Variants in PLCB1 observed in about 807,000 individuals in gnomAD.
PLCB1 encodes the protein 1-phosphatidylinositol 4,5-bisphosphate phosphodiesterase beta-1.
In PLCB1, 46 loss-of-function variants were observed where a neutral mutation model predicts 161.8. The ratio of observed to expected loss-of-function variants is 0.28; its 90% CI spans 0.22 to 0.36. The LOEUF is 0.36. PLCB1 is among the 10% of genes least tolerant of loss of function. The pLI is 1.00. For synonymous variants in PLCB1, 517 were observed against 503.7 expected (o/e 1.03, Z -0.35); for missense variants, 1,016 against 1,472.5 (o/e 0.69, Z 5.07).
At chr20:8,473,834 G>C (rs903797706) in intron 3 of PLCB1, among the ~76,000 whole-genome samples, 1 of 152,202 alleles carries the variant, frequency 6.6e-6, no homozygotes, top group Admixed American at 6.5e-5. Flanking sequence ...ACCAGCAGCA[G>C]TACAAAAACC....
At chr20:8,684,890 A>T in intron 9 of PLCB1, 42 bp from the exon 10 acceptor site, 3 of 1,549,458 alleles carry the variant, frequency 1.9e-6, no homozygotes, top group Non-Finnish European at 2.6e-6. Flanking sequence ...TGACACCCAT[A>T]AAAGAATGCA....
chr20:8,839,005 C>T (rs1986397146), intron 31 of PLCB1, among the ~76,000 whole-genome samples: 1 of 152,216 alleles, frequency 6.6e-6, no homozygotes, highest in African/African-American at 2.4e-5. Context: ...TATCAACTCT[C>T]CAGCCCTATG....
intron 9 of PLCB1, among the ~76,000 whole-genome samples, chr20:8,663,968 A>T (rs1240532473): frequency 6.6e-6 from 1 of 152,154 alleles, no homozygotes; most frequent in African/African-American, 2.4e-5. Context: ...GAAAAATAGA[A>T]TAGCTCTATA....
intron 3 of PLCB1, among the ~76,000 whole-genome samples, chr20:8,416,753 C>G (rs778606435): frequency 2.0e-5 from 3 of 151,962 alleles, no homozygotes; most frequent in Non-Finnish European, 4.4e-5. Context: ...TTTAGAGACT[C>G]TTTCAGGAAA....
At chr20:8,664,917 T>C (rs1215141592) in intron 9 of PLCB1, among the ~76,000 whole-genome samples, 1 of 152,154 alleles carries the variant, frequency 6.6e-6, no homozygotes, top group Non-Finnish European at 1.5e-5. Flanking sequence ...ATGGCTTCGG[T>C]CACTCAAGGC....
At chr20:8,552,923 G>A (rs1204651803) in intron 3 of PLCB1, among the ~76,000 whole-genome samples, 1 of 152,060 alleles carries the variant, frequency 6.6e-6, no homozygotes, top group African/African-American at 2.4e-5. Context: ...ATCACCTCAG[G>A]GAGTTATTGA....
chr20:8,262,274 A>T (rs1981737989), intron 2 of PLCB1, among the ~76,000 whole-genome samples: 1 of 151,790 alleles, frequency 6.6e-6, no homozygotes, highest in Non-Finnish European at 1.5e-5. Flanking sequence ...TATTTTCAGT[A>T]GAGACGGGGT....
chr20:8,788,640 A>G lies in PLCB1; in HGVS notation c.3196A>G (p.Lys1066Glu), dbSNP rs1389039697. The G allele has an allele frequency of 6.2e-7, 1 of 1,607,308 alleles. No homozygotes were observed. The highest frequency in any genetic ancestry group is 1.1e-5 in the South Asian group (1 of 89,450). The change falls in exon 29 of 32, where the codon AAA becomes GAA. Residue 1066 changes from lysine to glutamate, a missense_variant. Around this residue, in one of 10 missense-constraint regions of PLCB1, gnomAD observed 398 missense variants for 445.4 expected, o/e 0.89. Coordinates refer to ENST00000338037, the MANE Select transcript of PLCB1 (RefSeq NM_015192.4). ...KLKEICEKEK[K>E]ELKKKMDKKR... ...CTTCCATTGTGACTTCAGAGAAAAG[A>G]AAGAATTAAAGAAGAAAATGGATAA...
At position 8,220,184 on chromosome 20, in the gene PLCB1, G is replaced by T. The variant is rs141862938; in HGVS notation, c.177+69813G>T. Among the ~76,000 whole-genome samples the T allele has an allele frequency of 3.9e-5, 6 of 152,206 alleles. No individual in the cohort carries two copies. In the South Asian group the frequency reaches 1.2e-3, roughly 32 times the overall value. The stretch of plus-strand genomic sequence containing the variant: ...CTTGGTATCATCATCCAAAAACTGC[G>T]ATTGGTATCACATGCCCAGGTTATG... On this transcript the variant is annotated intron_variant, in intron 2 of 31. Transcript: ENST00000338037.
At chr20:8,279,670 A>G (rs926391139) in intron 2 of PLCB1, among the ~76,000 whole-genome samples, 3 of 152,232 alleles carry the variant, frequency 2.0e-5, no homozygotes, top group African/African-American at 7.2e-5. Flanking sequence ...AGTATTATAC[A>G]GTGATGGAAA....
At chr20:8,382,287 T>TC (rs1370201833) in intron 3 of PLCB1, among the ~76,000 whole-genome samples, 49 of 148,496 alleles carry the variant, frequency 3.3e-4, no homozygotes, top group Non-Finnish European at 5.8e-4. Context: ...CTTTTTCTTT[T>TC]TTTTTTTTTT....
Position 8,628,342 on chromosome 20 carries a change from G to C in PLCB1, c.295G>C (p.Glu99Gln), listed in dbSNP as rs1555777814. ...LLDVGNIGRLEQRMITVVYGP... is the reference protein window; with the variant it reads ...LLDVGNIGRLQQRMITVVYGP... ...GGATGTGGGGAACATCGGGCGCCTG[G>C]AGCAGCGCATGATCACAGTGGTGTA... The change falls in exon 4 of 32, where the codon GAG becomes CAG. Residue 99 changes from glutamate to glutamine, a missense_variant. Around this residue, in one of 10 missense-constraint regions of PLCB1, gnomAD observed 181 missense variants for 236.7 expected, o/e 0.76. Coordinates refer to ENST00000338037, the MANE Select transcript of PLCB1 (RefSeq NM_015192.4). 1 of 1,613,730 alleles carries C rather than the reference G, an allele frequency of 6.2e-7. No homozygotes were observed. Among genetic ancestry groups the C allele is most frequent in the Admixed American group, 1.7e-5 (1 of 59,998 alleles).
intron 2 of PLCB1, among the ~76,000 whole-genome samples, chr20:8,189,832 C>T (rs2051948263): frequency 6.6e-6 from 1 of 151,982 alleles, no homozygotes; most frequent in Non-Finnish European, 1.5e-5. Flanking sequence ...ATTTGTCATT[C>T]TCAGAATCCC....
chr20:8,389,591 C>A (rs1401724363), intron 3 of PLCB1, among the ~76,000 whole-genome samples: 1 of 152,158 alleles, frequency 6.6e-6, no homozygotes, highest in Non-Finnish European at 1.5e-5. Flanking sequence ...AACGTAAATC[C>A]AATTTGTTCT....
intron 26 of PLCB1, among the ~76,000 whole-genome samples, chr20:8,771,998 C>A (rs1240614596): frequency 6.6e-6 from 1 of 151,562 alleles, no homozygotes; most frequent in East Asian, 1.9e-4. Flanking sequence ...CCTCCTGCCA[C>A]AGACTCCCGG....
At chr20:8,741,328 T>G in intron 22 of PLCB1, 136 bp from the exon 23 acceptor site, 1 of 610,386 alleles carries the variant, frequency 1.6e-6, no homozygotes, top group East Asian at 2.9e-5. Context: ...GGTGGATGGA[T>G]GGATGGATGG....
At chr20:8,878,223 A>G (rs6056225) in intron 31 of PLCB1, among the ~76,000 whole-genome samples, 58,525 of 152,004 alleles carry the variant, frequency 0.39, 11,700 homozygotes, top group South Asian at 0.59. Flanking sequence ...TAAGAGAACA[A>G]CAATCTGTTG....
intron 3 of PLCB1, among the ~76,000 whole-genome samples, chr20:8,609,648 G>C (rs1017960474): frequency 6.6e-6 from 1 of 151,876 alleles, no homozygotes; most frequent in Non-Finnish European, 1.5e-5. Flanking sequence ...TTTACACATG[G>C]TTCTTTTTTT....
Position 8,371,379 on chromosome 20 carries a change from C to G in PLCB1, c.178-3C>G. The stretch of plus-strand genomic sequence containing the variant: ...TTAACGATTTCACGTTTTTGCCTTC[C>G]AGGAGACAGAGCTACTGGATCTCAG... On this transcript the variant is annotated splice_polypyrimidine_tract_variant and splice_region_variant and intron_variant, in intron 2 of 31. Transcript: ENST00000338037. The G allele has an allele frequency of 6.2e-7, 1 of 1,610,132 alleles. No individual in the cohort carries two copies. Among genetic ancestry groups the G allele is most frequent in the Non-Finnish European group, 8.5e-7 (1 of 1,177,918 alleles).
Sources: gnomAD v4.1 joint callset for allele counts (sites outside exome capture counted in the v4.1 genomes callset) on GRCh38, gnomAD v4.1.1 for gene constraint, gnomAD v4.1.1 regional missense constraint, MANE v1.5 for transcripts, NCBI Gene and HGNC (gene_info 2026-07-23, HGNC 2026-07-21) for gene names.